MICALL1: variants seen among roughly 807,000 people sequenced by gnomAD.
MICALL1 encodes MICAL like 1.
In MICALL1, 61 loss-of-function variants were observed where a neutral mutation model predicts 83.7. The observed-to-expected ratio is 0.73, with a 90% CI of 0.59 to 0.90. The LOEUF (loss-of-function observed/expected upper bound fraction) is 0.90. Ranked by LOEUF, MICALL1 falls within the 40% of genes least tolerant of loss-of-function variation. MICALL1 has a pLI of 0.00. For missense variants in MICALL1, 1,066 were observed against 1,152.0 expected, an observed-to-expected ratio of 0.93 and a Z score of 1.08; for synonymous variants, 481 against 473.6, an observed-to-expected ratio of 1.02 and a Z score of -0.20.
intron 9 of MICALL1, among the ~76,000 whole-genome samples, chr22:37,928,590 A>G (rs1334388126): frequency 3.3e-5 from 5 of 152,124 alleles, no homozygotes; most frequent in African/African-American, 7.2e-5. Context: ...ACTCTGTCCA[A>G]TGAGGCACAA....
At chr22:37,933,693 G>A (rs926454065) in intron 13 of MICALL1, among the ~76,000 whole-genome samples, 14 of 152,184 alleles carry the variant, frequency 9.2e-5, no homozygotes, top group Admixed American at 5.2e-4. Context: ...GCAGTGAACC[G>A]CAGCTGCAGG....
chr22:37,941,041 G>A lies in MICALL1; in HGVS notation c.*211G>A, dbSNP rs1569152711. 1.4e-5 allele frequency: 8 copies of A among 557,164 alleles called. No individual in the cohort carries two copies. The highest frequency in any genetic ancestry group is 1.3e-4 in the Admixed American group (4 of 30,728). The allele number at this position is 557,164 out of a possible 1,614,324, so 34.5% of individuals were successfully genotyped here. A position where few individuals can be genotyped will look rare whatever the true frequency, so the allele number is the denominator to read the frequency against. On this transcript the variant is annotated 3_prime_UTR_variant, in exon 16 of 16. Transcript: ENST00000215957. The stretch of plus-strand genomic sequence containing the variant: ...GTTTCTTCTCCGAGCCCCAGGCAGC[G>A]GTGATTCAGCCCTGCCCAACCTGAT...
At chr22:37,939,328 A>G (rs1051032038) in intron 15 of MICALL1, among the ~76,000 whole-genome samples, 1 of 152,252 alleles carries the variant, frequency 6.6e-6, no homozygotes, top group Non-Finnish European at 1.5e-5. Context: ...CAAAGGGCTC[A>G]GTTGGTATTA....
At chr22:37,929,431 G>T (rs1273185275) in intron 9 of MICALL1, among the ~76,000 whole-genome samples, 1 of 152,194 alleles carries the variant, frequency 6.6e-6, no homozygotes, top group South Asian at 2.1e-4. Context: ...TGGGCAGGGG[G>T]TCAGCCCTCA....
At chr22:37,937,291 A>T in intron 14 of MICALL1, 97 bp downstream of exon 14, 1 of 1,046,822 alleles carries the variant, frequency 9.6e-7, no homozygotes, top group Non-Finnish European at 1.4e-6. Context: ...AGCCAAAGAC[A>T]CAGTCCACGC....
intron 1 of MICALL1, chr22:37,907,303 C>G (rs1377031126): frequency 6.6e-6 from 1 of 152,290 alleles, no homozygotes; most frequent in Non-Finnish European, 1.5e-5. Flanking sequence ...AGACACCAAC[C>G]GGGTGCTGCA....
chr22:37,906,776 C>G lies in MICALL1; in HGVS notation c.146+208C>G, dbSNP rs1426052493. On this transcript the variant is annotated intron_variant, in intron 1 of 15. Transcript: ENST00000215957. This position sits in a 1 kb window ranked among gnomAD's most constrained non-coding sequence, Gnocchi z 4.4. ...CCCCCGCCCGGCCGCCCTGACCCCGCCCGTGGGATCCCGAACTCTCCCCCG... is the reference window on the plus strand; with the variant it reads ...CCCCCGCCCGGCCGCCCTGACCCCGGCCGTGGGATCCCGAACTCTCCCCCG... 3 of 230,486 alleles carry G rather than the reference C, an allele frequency of 1.3e-5. No individual in the cohort carries two copies. Among genetic ancestry groups the G allele is most frequent in the Non-Finnish European group, 2.4e-5 (3 of 124,392 alleles). The allele number at this position is 230,486 out of a possible 1,614,324, so 14.3% of individuals were successfully genotyped here. A position where few individuals can be genotyped will look rare whatever the true frequency, so the allele number is the denominator to read the frequency against.
In MICALL1 at chr22:37,941,131, G is replaced by T; in HGVS notation, c.*301G>T. On this transcript the variant is annotated 3_prime_UTR_variant, in exon 16 of 16. Coordinates refer to ENST00000215957, the MANE Select transcript of MICALL1 (RefSeq NM_033386.4). ...ATAGGGTCCCAGGGTCCAGGGAGGGGCGCCTGCTGAGCACTTCCGCCCCTC... is the reference window on the plus strand; with the variant it reads ...ATAGGGTCCCAGGGTCCAGGGAGGGTCGCCTGCTGAGCACTTCCGCCCCTC... The T allele has an allele frequency of 3.7e-6, 1 of 271,444 alleles. No individual in the cohort carries two copies. The highest frequency in any genetic ancestry group is 4.2e-5 in the Admixed American group (1 of 23,720). 16.8% of individuals were successfully genotyped at this position (271,444 alleles called of 1,614,324 possible).
At chr22:37,933,942 G>A (rs1000738808) in intron 13 of MICALL1, among the ~76,000 whole-genome samples, 11 of 152,218 alleles carry the variant, frequency 7.2e-5, no homozygotes, top group Non-Finnish European at 1.2e-4. Context: ...GGTGGCAGGG[G>A]AACTGTCTAC....
chr22:37,908,901 G>T (rs1928138731), intron 1 of MICALL1, among the ~76,000 whole-genome samples: 1 of 152,184 alleles, frequency 6.6e-6, no homozygotes, highest in South Asian at 2.1e-4. Flanking sequence ...AAAGGCAAGG[G>T]GCGGGAGGTG....
intron 9 of MICALL1, among the ~76,000 whole-genome samples, chr22:37,931,445 TCGAGAG>T (rs975940808): frequency 6.6e-6 from 1 of 151,742 alleles, no homozygotes; most frequent in African/African-American, 2.4e-5. Context: ...TCCCAGCTTC[TCGAGAG>T]GCTGAGCTGG....
At chr22:37,916,419 C>T (rs752566262) in intron 3 of MICALL1, among the ~76,000 whole-genome samples, 1 of 152,224 alleles carries the variant, frequency 6.6e-6, no homozygotes, top group Non-Finnish European at 1.5e-5. Context: ...ATCCCATCTG[C>T]TGCTTAAGCA....
chr22:37,924,700 A>T lies in MICALL1; in HGVS notation c.1065A>T (p.Thr355=). The change falls in exon 7 of 16, where the codon ACA becomes ACT. Residue 355 remains threonine, a synonymous_variant. Coordinates refer to ENST00000215957, the MANE Select transcript of MICALL1 (RefSeq NM_033386.4). This position sits in a 1 kb window ranked among gnomAD's most constrained non-coding sequence, Gnocchi z 5.2. Reference sequence around the variant, plus strand: ...TGCCTGTCCCCAAGCCGAGGGGGACACCGAAGCCGTCCGAGGGGTATGTCG... The same window carrying T: ...TGCCTGTCCCCAAGCCGAGGGGGACTCCGAAGCCGTCCGAGGGGTATGTCG... ...HELPVPKPRG[T]PKPSEGTPAP... 7 of 1,612,184 alleles carry T rather than the reference A, an allele frequency of 4.3e-6. No homozygotes were observed. The highest frequency in any genetic ancestry group is 1.3e-5 in the African/African-American group (1 of 74,952).
At chr22:37,921,218 C>T (rs1406118839) in intron 5 of MICALL1, among the ~76,000 whole-genome samples, 3 of 152,218 alleles carry the variant, frequency 2.0e-5, no homozygotes, top group Admixed American at 2.0e-4. Context: ...TCACAAAGCA[C>T]TATTTGGCCT....
chr22:37,916,162 G>A (rs1928664165), intron 3 of MICALL1, among the ~76,000 whole-genome samples: 1 of 152,190 alleles, frequency 6.6e-6, no homozygotes, highest in Non-Finnish European at 1.5e-5. Context: ...AGCCTGGTGG[G>A]CAGGGGCAGC....
intron 1 of MICALL1, among the ~76,000 whole-genome samples, chr22:37,911,736 C>T (rs1928333568): frequency 6.6e-6 from 1 of 152,132 alleles, no homozygotes; most frequent in Non-Finnish European, 1.5e-5. Flanking sequence ...TGATCTCATG[C>T]CCTGCCCTGC....
chr22:37,935,253 ATTATT>A (rs1335689429), intron 13 of MICALL1, among the ~76,000 whole-genome samples: 1 of 143,394 alleles, frequency 7.0e-6, no homozygotes, highest in Non-Finnish European at 1.5e-5. Context: ...TGTTATTATT[ATTATT>A]TTATTTTATT....
Position 37,925,782 on chromosome 22 carries a change from G to A in MICALL1, c.1204G>A (p.Val402Met). The change falls in exon 8 of 16, where the codon GTG (valine) becomes ATG (methionine). Residue 402 changes from valine (V) to methionine (M), a missense_variant. Physicochemically the swap from Val to Met is conservative, Grantham distance 21. Coordinates refer to ENST00000215957, the MANE Select transcript of MICALL1 (RefSeq NM_033386.4). ...GCCACCAAGCCAGGACAGCAGGCAG[G>A]TGGAGAATGGAGGCACCGAGGAGGT... Reference protein sequence around the residue: ...PGPPSQDSRQVENGGTEEVAQ... With the variant: ...PGPPSQDSRQMENGGTEEVAQ... The A allele has an allele frequency of 6.2e-7, 1 of 1,613,494 alleles. No individual in the cohort carries two copies. Among genetic ancestry groups the A allele is most frequent in the Non-Finnish European group, 8.5e-7 (1 of 1,179,982 alleles).
At chr22:37,939,962 C>A (rs1449743039) in intron 15 of MICALL1, among the ~76,000 whole-genome samples, 2 of 151,626 alleles carry the variant, frequency 1.3e-5, no homozygotes, top group African/African-American at 4.9e-5. Flanking sequence ...TGGTGGCACA[C>A]TTCTGTAATC....
Sources: gnomAD v4.1 joint callset for allele counts (sites outside exome capture counted in the v4.1 genomes callset) on GRCh38, gnomAD v4.1.1 for gene constraint, Gnocchi (gnomAD v3.1) non-coding constraint, MANE v1.5 for transcripts, NCBI Gene and HGNC (gene_info 2026-07-23, HGNC 2026-07-21) for gene names.